Variants in PDE1B observed in about 807,000 individuals in gnomAD.
The protein encoded by PDE1B is dual specificity calcium/calmodulin-dependent 3',5'-cyclic nucleotide phosphodiesterase 1B.
A neutral mutation model predicts 66.7 loss-of-function variants in PDE1B; 13 were observed. The ratio of observed to expected loss-of-function variants is 0.19; its 90% CI spans 0.13 to 0.31. PDE1B has a LOEUF of 0.31. Ranked by LOEUF, PDE1B falls within the 10% of genes least tolerant of loss-of-function variation. The pLI is 1.00. For missense variants in PDE1B, 485 were observed against 682.3 expected, an observed-to-expected ratio of 0.71 and a Z score of 3.22; for synonymous variants, 230 against 253.9, an observed-to-expected ratio of 0.91 and a Z score of 0.90.
intron 2 of PDE1B, among the ~76,000 whole-genome samples, chr12:54,556,139 T>C (rs1957339214): frequency 6.6e-6 from 1 of 152,176 alleles, no homozygotes; most frequent in African/African-American, 2.4e-5. Flanking sequence ...TTTTCTCAGG[T>C]ACGGAAGTTG....
chr12:54,573,069 T>A lies in PDE1B; in HGVS notation c.736-79T>A. 9.8e-7 allele frequency: 1 copy of A among 1,024,546 alleles called. No homozygotes were observed. The highest frequency in any genetic ancestry group is 1.5e-6 in the Non-Finnish European group (1 of 648,534). The allele number at this position is 1,024,546 out of a possible 1,614,324, so 63.5% of individuals were successfully genotyped here. A position where few individuals can be genotyped will look rare whatever the true frequency, so the allele number is the denominator to read the frequency against. ...AGCATGGAAGGGATGGGATGAGTGA[T>A]CTAGCCTGTGTGTGGAGGTTCCTGG... On this transcript the variant is annotated intron_variant, in intron 7 of 15. Transcript: ENST00000243052. This position sits in a 1 kb window ranked among gnomAD's most constrained non-coding sequence, Gnocchi z 5.2.
In PDE1B at chr12:54,573,687, A is replaced by T. The variant is rs1957660434; in HGVS notation, c.1042A>T (p.Thr348Ser). 6.2e-7 allele frequency: 1 copy of T among 1,613,858 alleles called. No homozygotes were observed. Among genetic ancestry groups the T allele is most frequent in the African/African-American group, 1.3e-5 (1 of 74,916 alleles). Reference sequence around the variant, plus strand: ...TTTCCAGCAAGTGAAGACCATGAAGACAGCCTTGCAACAGCTGGAGAGGTG... The same window carrying T: ...TTTCCAGCAAGTGAAGACCATGAAGTCAGCCTTGCAACAGCTGGAGAGGTG... ...CHFQQVKTMK[T>S]ALQQLERIDK... Residue 348 changes from threonine (T) to serine (S), a missense_variant, in exon 10 of 16, where the codon ACA becomes TCA. This residue lies in a region of PDE1B where 282 missense variants were observed against 453.4 expected (regional missense o/e 0.62). Transcript: ENST00000243052. This position sits in a 1 kb window ranked among gnomAD's most constrained non-coding sequence, Gnocchi z 5.2.
chr12:54,572,363 T>C, intron 6 of PDE1B: 1 of 567,110 alleles, frequency 1.8e-6, no homozygotes, highest in Admixed American at 2.5e-5. Flanking sequence ...TCCAGGTAGG[T>C]GGTATTATCT....
chr12:54,557,938 C>A (rs1431899590), intron 2 of PDE1B, among the ~76,000 whole-genome samples: 1 of 152,010 alleles, frequency 6.6e-6, no homozygotes, highest in African/African-American at 2.4e-5. Flanking sequence ...CCCAATTCCT[C>A]TCTCTCTCAA....
Position 54,575,115 on chromosome 12 carries a change from C to T in PDE1B, c.1082C>T (p.Ala361Val). Reference sequence around the variant, plus strand: ...CCAACCAGGATTGACAAGCCCAAGGCCCTGTCTCTACTGCTCCATGCTGCT... The same window carrying T: ...CCAACCAGGATTGACAAGCCCAAGGTCCTGTCTCTACTGCTCCATGCTGCT... ...QQLERIDKPK[A>V]LSLLLHAADI... Residue 361 changes from alanine (A) to valine (V), a missense_variant, in exon 11 of 16, where the codon GCC (alanine) becomes GTC (valine). Physicochemically the swap from Ala to Val is moderately conservative, Grantham distance 64. Around this residue, in one of 4 missense-constraint regions of PDE1B, gnomAD observed 282 missense variants for 453.4 expected, o/e 0.62. Transcript: ENST00000243052. This position sits in a 1 kb window ranked among gnomAD's most constrained non-coding sequence, Gnocchi z 4.0. The T allele has an allele frequency of 6.2e-7, 1 of 1,613,900 alleles. No individual in the cohort carries two copies. The highest frequency in any genetic ancestry group is 2.2e-5 in the East Asian group (1 of 44,862).
At chr12:54,577,805 A>G in intron 15 of PDE1B, 55 bp from the exon 16 acceptor site, 2 of 393,506 alleles carry the variant, frequency 5.1e-6, no homozygotes, top group East Asian at 3.9e-5. Flanking sequence ...AAGGAAGGTC[A>G]GGTTGGAGGT....
chr12:54,549,761 C>T lies in PDE1B; in HGVS notation c.-25C>T, dbSNP rs892899190. The T allele has an allele frequency of 5.0e-6, 4 of 807,930 alleles. No homozygotes were observed. Among genetic ancestry groups the T allele is most frequent in the Non-Finnish European group, 8.1e-6 (4 of 495,152 alleles). 50.0% of individuals were successfully genotyped at this position (807,930 alleles called of 1,614,324 possible). A position where few individuals can be genotyped will look rare whatever the true frequency, so the allele number is the denominator to read the frequency against. On this transcript the variant is annotated 5_prime_UTR_variant, in exon 1 of 16. The change creates a new upstream start codon in the 5' untranslated region. Coordinates refer to ENST00000243052, the MANE Select transcript of PDE1B (RefSeq NM_000924.4). ...TAGAGACACCGGCCTGGCTGGTCCACGCCAGCCGCAGGTGGGAAGGGCCTG... is the reference window on the plus strand; with the variant it reads ...TAGAGACACCGGCCTGGCTGGTCCATGCCAGCCGCAGGTGGGAAGGGCCTG...
chr12:54,572,435 G>T, intron 6 of PDE1B, 166 bp from the exon 7 acceptor site: 1 of 679,316 alleles, frequency 1.5e-6, no homozygotes. Context: ...AGGTTGCACA[G>T]CCAGCAGGTG....
Position 54,575,245 on chromosome 12 carries a change from T to C in PDE1B, c.1185+27T>C. On this transcript the variant is annotated intron_variant, in intron 11 of 15. Transcript: ENST00000243052. The surrounding 1 kb of genome is among the most constrained non-coding windows in gnomAD (Gnocchi z 4.0). Reference sequence around the variant, plus strand: ...TAGCGTGGCATCTTTGCCTTCCCTGTGCCTATGGGGGCCTTCTCTCCCCTT... The same window carrying C: ...TAGCGTGGCATCTTTGCCTTCCCTGCGCCTATGGGGGCCTTCTCTCCCCTT... 1 of 1,606,640 alleles carries C rather than the reference T, an allele frequency of 6.2e-7. No individual in the cohort carries two copies. Among genetic ancestry groups the C allele is most frequent in the Non-Finnish European group, 8.5e-7 (1 of 1,173,516 alleles).
At chr12:54,577,431 G>A (rs755004944) in intron 15 of PDE1B, 86 bp downstream of exon 15, 20 of 1,607,384 alleles carry the variant, frequency 1.2e-5, no homozygotes, top group African/African-American at 2.7e-5. Context: ...CAGTGGATGC[G>A]ACATTCTCTC....
At chr12:54,571,862 A>G (rs980452928) in intron 6 of PDE1B, 4 of 152,038 alleles carry the variant, frequency 2.6e-5, no homozygotes, top group Admixed American at 6.6e-5. Flanking sequence ...TGTCTCTGTC[A>G]CTATATTGCT....
intron 6 of PDE1B, 176 bp from the exon 7 acceptor site, chr12:54,572,425 A>G: frequency 1.5e-6 from 1 of 662,940 alleles, no homozygotes; most frequent in Non-Finnish European, 2.7e-6. Context: ...GACTTACCCA[A>G]GGTTGCACAG....
chr12:54,569,824 T>G lies in PDE1B; in HGVS notation c.477+212T>G, dbSNP rs1273327666. ...AAGCGATTCTCCTGCCTCAGCCTCC[T>G]GAGTAGCTGGGATTACAGGTGCCCA... On this transcript the variant is annotated intron_variant, in intron 5 of 15. Coordinates refer to ENST00000243052, the MANE Select transcript of PDE1B (RefSeq NM_000924.4). The surrounding 1 kb of genome is among the most constrained non-coding windows in gnomAD (Gnocchi z 4.4). 6.6e-6 allele frequency among the ~76,000 whole-genome samples: 1 copy of G among 151,990 alleles called. No individual in the cohort carries two copies. Among genetic ancestry groups the G allele is most frequent in the Non-Finnish European group, 1.5e-5 (1 of 67,988 alleles).
At chr12:54,551,383 C>A (rs965166925) in intron 2 of PDE1B, among the ~76,000 whole-genome samples, 5 of 152,154 alleles carry the variant, frequency 3.3e-5, no homozygotes, top group Non-Finnish European at 5.9e-5. Context: ...ATTTGCTGGG[C>A]TCTATGAAGC....
Position 54,577,287 on chromosome 12 carries a change from C to T in PDE1B, c.1570C>T (p.Pro524Ser), listed in dbSNP as rs764622099. 2 of 1,614,006 alleles carry T rather than the reference C, an allele frequency of 1.2e-6. No individual in the cohort carries two copies. Among genetic ancestry groups the T allele is most frequent in the South Asian group, 2.2e-5 (2 of 91,072 alleles). The change falls in exon 15 of 16, where the codon CCT (proline) becomes TCT (serine). Residue 524 changes from proline to serine, a missense_variant. Transcript: ENST00000243052. ...SPCEEEAPPS[P>S]AEDEHNQNGN... ...CTGTGAAGAAGAGGCCCCCCCATCC[C>T]CTGCCGAAGATGAACACAACCAGAA...
chr12:54,557,648 G>T (rs2121046734), intron 2 of PDE1B, among the ~76,000 whole-genome samples: 1 of 152,342 alleles, frequency 6.6e-6, no homozygotes, highest in East Asian at 1.9e-4. Flanking sequence ...CACACTTGCA[G>T]TCAGACTCTT....
At chr12:54,558,451 G>T (rs997924880) in intron 2 of PDE1B, among the ~76,000 whole-genome samples, 1 of 152,118 alleles carries the variant, frequency 6.6e-6, no homozygotes, top group East Asian at 1.9e-4. Context: ...CCACTGGGGG[G>T]CTATTTTTAT....
intron 2 of PDE1B, chr12:54,554,082 A>G (rs1957313108): frequency 6.6e-6 from 1 of 152,240 alleles, no homozygotes; most frequent in East Asian, 1.9e-4. Context: ...GATAATACCT[A>G]TGTGTGATCT....
chr12:54,555,904 C>G (rs1186143542), intron 2 of PDE1B, among the ~76,000 whole-genome samples: 2 of 152,174 alleles, frequency 1.3e-5, no homozygotes, highest in African/African-American at 4.8e-5. Flanking sequence ...CCTCCCTCAT[C>G]TTGGCTAGGA....
Sources: allele counts gnomAD v4.1 joint callset (sites outside exome capture counted in the v4.1 genomes callset), GRCh38; gene constraint gnomAD v4.1.1; regional missense constraint gnomAD v4.1.1; non-coding constraint Gnocchi (gnomAD v3.1); transcripts MANE v1.5; gene names NCBI Gene and HGNC (gene_info 2026-07-23, HGNC 2026-07-21).